Variants in SGCZ observed in about 807,000 individuals in gnomAD.
SGCZ encodes the protein sarcoglycan zeta.
In SGCZ, 40 loss-of-function variants were observed where a neutral mutation model predicts 41.3. That is an observed-to-expected ratio of 0.97 (90% CI 0.75 to 1.26). The LOEUF (loss-of-function observed/expected upper bound fraction) is 1.26. Ranked by LOEUF, SGCZ falls within the 50% of genes most tolerant of loss-of-function variation. The pLI is 0.00. For synonymous variants in SGCZ, 206 were observed against 137.5 expected (o/e 1.50, Z -3.49); for missense variants, 552 against 369.8 (o/e 1.49, Z -4.04).
At chr8:14,252,529 T>C (rs1214744415) in intron 3 of SGCZ, among the ~76,000 whole-genome samples, 2 of 152,146 alleles carry the variant, frequency 1.3e-5, no homozygotes, top group African/African-American at 4.8e-5. Flanking sequence ...CTGATAGCCT[T>C]TTTGATTGTT....
intron 1 of SGCZ, among the ~76,000 whole-genome samples, chr8:14,646,166 C>A (rs529819126): frequency 5.3e-5 from 8 of 151,894 alleles, no homozygotes; most frequent in African/African-American, 1.9e-4. Context: ...ATACTGAGCA[C>A]AGTACCCACA....
intron 1 of SGCZ, among the ~76,000 whole-genome samples, chr8:15,212,669 A>C (rs912089392): frequency 6.6e-6 from 1 of 152,100 alleles, no homozygotes; most frequent in African/African-American, 2.4e-5. Context: ...AAAAGAACAA[A>C]ACTGTTTTGG....
intron 1 of SGCZ, among the ~76,000 whole-genome samples, chr8:14,975,805 ATATATG>A (rs1221079415): frequency 6.1e-4 from 65 of 105,912 alleles, no homozygotes; most frequent in African/African-American, 2.1e-3. Flanking sequence ...ATATATATAT[ATATATG>A]TGTGTGTGTG....
chr8:14,904,363 C>A (rs1000068884), intron 1 of SGCZ, among the ~76,000 whole-genome samples: 53 of 151,946 alleles, frequency 3.5e-4, no homozygotes, highest in Non-Finnish European at 6.2e-4. Context: ...CATCTCAATC[C>A]TTTCCAAAAA....
intron 3 of SGCZ, among the ~76,000 whole-genome samples, chr8:14,276,844 G>C (rs940157069): frequency 8.3e-4 from 126 of 152,224 alleles, no homozygotes; most frequent in African/African-American, 2.9e-3. Flanking sequence ...TCTCCATAGG[G>C]TGGACACCGA....
intron 1 of SGCZ, among the ~76,000 whole-genome samples, chr8:14,614,382 C>T (rs1006197827): frequency 1.9e-4 from 29 of 152,052 alleles, no homozygotes; most frequent in Non-Finnish European, 1.2e-4. Context: ...CCTCCCAATA[C>T]AGAATAAAAA....
At chr8:15,191,222 C>T (rs1007530311) in intron 1 of SGCZ, among the ~76,000 whole-genome samples, 2 of 152,108 alleles carry the variant, frequency 1.3e-5, no homozygotes, top group African/African-American at 4.8e-5. Context: ...AGGGTCTAAA[C>T]TTAATTACAT....
chr8:15,210,391 T>C (rs1252826470), intron 1 of SGCZ, among the ~76,000 whole-genome samples: 2 of 152,168 alleles, frequency 1.3e-5, no homozygotes, highest in African/African-American at 4.8e-5. Context: ...GTGATTCCTC[T>C]TCTTCAGTTT....
At chr8:14,827,268 ACT>A (rs1314843641) in intron 1 of SGCZ, among the ~76,000 whole-genome samples, 4 of 132,380 alleles carry the variant, frequency 3.0e-5, no homozygotes, top group Admixed American at 8.5e-5. Flanking sequence ...ACAAAGTCTC[ACT>A]CTGTCACCCA....
intron 1 of SGCZ, among the ~76,000 whole-genome samples, chr8:14,912,378 T>C (rs1799302811): frequency 1.3e-5 from 2 of 152,010 alleles, no homozygotes; most frequent in African/African-American, 4.8e-5. Context: ...ATAAAATGTC[T>C]CCTGAGAAGA....
At chr8:14,872,073 A>G (rs1804176739) in intron 1 of SGCZ, among the ~76,000 whole-genome samples, 1 of 152,016 alleles carries the variant, frequency 6.6e-6, no homozygotes, top group Admixed American at 6.6e-5. Context: ...CAGGAACAGA[A>G]AACCAAACAT....
At chr8:14,975,468 G>T (rs957736738) in intron 1 of SGCZ, among the ~76,000 whole-genome samples, 1 of 152,106 alleles carries the variant, frequency 6.6e-6, no homozygotes, top group Admixed American at 6.6e-5. Flanking sequence ...AAGATATGTA[G>T]GCTTCCATGC....
chr8:15,051,877 G>C (rs893217620), intron 1 of SGCZ, among the ~76,000 whole-genome samples: 5 of 152,148 alleles, frequency 3.3e-5, no homozygotes, highest in African/African-American at 4.8e-5. Context: ...TGGAAGGATA[G>C]GAAGTGTAAG....
intron 1 of SGCZ, among the ~76,000 whole-genome samples, chr8:15,056,343 T>C (rs1273576426): frequency 6.6e-6 from 1 of 152,202 alleles, no homozygotes; most frequent in African/African-American, 2.4e-5. Context: ...TTGTGAATGT[T>C]AATTAGAAAA....
At chr8:14,542,053 TG>T (rs1281507453) in intron 2 of SGCZ, among the ~76,000 whole-genome samples, 1 of 152,154 alleles carries the variant, frequency 6.6e-6, no homozygotes, top group African/African-American at 2.4e-5. Flanking sequence ...ATGGACAGAT[TG>T]CAAAAATTTT....
At chr8:14,093,963 T>C (rs368414445) in intron 7 of SGCZ, among the ~76,000 whole-genome samples, 46 of 152,138 alleles carry the variant, frequency 3.0e-4, no homozygotes, top group African/African-American at 1.1e-3. Flanking sequence ...CTTTGGTTCA[T>C]CCATATAGAA....
chr8:14,977,785 C>T (rs1479019433), intron 1 of SGCZ, among the ~76,000 whole-genome samples: 1 of 151,326 alleles, frequency 6.6e-6, no homozygotes, highest in African/African-American at 2.4e-5. Context: ...TATTTTTAAA[C>T]CAAAAAGCTA....
chr8:15,087,610 A>C (rs1805998180), intron 1 of SGCZ, among the ~76,000 whole-genome samples: 1 of 152,204 alleles, frequency 6.6e-6, no homozygotes, highest in Non-Finnish European at 1.5e-5. Flanking sequence ...ACATGGGTGT[A>C]CTAAAGAGCT....
intron 1 of SGCZ, among the ~76,000 whole-genome samples, chr8:14,666,176 A>C (rs1466023067): frequency 1.3e-5 from 2 of 152,198 alleles, no homozygotes; most frequent in Admixed American, 1.3e-4. Context: ...CCTAACAAAT[A>C]CTAGGGTTGC....
Sources: allele counts gnomAD v4.1 joint callset (sites outside exome capture counted in the v4.1 genomes callset), GRCh38; gene constraint gnomAD v4.1.1; transcripts MANE v1.5; gene names NCBI Gene and HGNC (gene_info 2026-07-23, HGNC 2026-07-21).